COL5A2: variants seen among roughly 807,000 people sequenced by gnomAD.
COL5A2 encodes the protein collagen alpha-2(V) chain.
COL5A2 carries 23 observed loss-of-function variants against 208.2 expected under a neutral mutation model. That is an observed-to-expected ratio of 0.11 (90% CI 0.08 to 0.16). The LOEUF is 0.16. Ranked by LOEUF, COL5A2 falls within the 10% of genes least tolerant of loss-of-function variation. The pLI is 1.00. For missense variants in COL5A2, 1,590 were observed against 1,956.4 expected (o/e 0.81, Z 3.53); for synonymous variants, 625 against 628.5 (o/e 0.99, Z 0.08).
At chr2:189,237,746 T>C in the COL5A2 span, among the ~76,000 whole-genome samples, 1 of 151,876 alleles carries the variant, frequency 6.6e-6, no homozygotes, top group Non-Finnish European at 1.5e-5. Context: ...AAATATAAAT[T>C]TTTATTTGGC....
At chr2:189,063,392 T>C (rs1686078066) in intron 26 of COL5A2, 122 bp from the exon 27 acceptor site, 1 of 836,624 alleles carries the variant, frequency 1.2e-6, no homozygotes, top group Non-Finnish European at 2.0e-6. Flanking sequence ...TGCATTTTCA[T>C]GTTAAAGAAT....
At chr2:189,328,760 A>G in the COL5A2 span, among the ~76,000 whole-genome samples, 1 of 152,230 alleles carries the variant, frequency 6.6e-6, no homozygotes, top group Non-Finnish European at 1.5e-5. Flanking sequence ...ATCATGGAAG[A>G]CAGAAATACA....
At chr2:189,139,388 C>T (rs975734358) in intron 1 of COL5A2, among the ~76,000 whole-genome samples, 1 of 152,102 alleles carries the variant, frequency 6.6e-6, no homozygotes, top group Admixed American at 6.5e-5. Context: ...CCAGTCTAAT[C>T]ATGAAAACAA....
At chr2:189,078,684 T>C in intron 15 of COL5A2, 115 bp from the exon 16 acceptor site, 1 of 879,888 alleles carries the variant, frequency 1.1e-6, no homozygotes, top group Non-Finnish European at 2.0e-6. Flanking sequence ...CAAGCAGTAG[T>C]ATTTCCAGGG....
At chr2:189,220,470 C>CAAA (rs35588877) in intron 1 of COL5A2, among the ~76,000 whole-genome samples, 1 of 145,868 alleles carries the variant, frequency 6.9e-6, no homozygotes, top group African/African-American at 2.6e-5. Context: ...GGTGTATTAA[C>CAAA]AAAAAAAAAA....
the COL5A2 span, among the ~76,000 whole-genome samples, chr2:189,266,357 C>T: frequency 6.6e-6 from 1 of 150,998 alleles, no homozygotes; most frequent in Non-Finnish European, 1.5e-5. Context: ...ACCTGGGAGG[C>T]GGAGGTTACA....
chr2:189,377,752 GA>G, the COL5A2 span, among the ~76,000 whole-genome samples: 1 of 152,100 alleles, frequency 6.6e-6, no homozygotes, highest in African/African-American at 2.4e-5. Flanking sequence ...AGGAAGTTAT[GA>G]ATATAAAACT....
chr2:189,081,208 G>C (rs1330175022), intron 12 of COL5A2, among the ~76,000 whole-genome samples, 165 bp from the exon 13 acceptor site: 1 of 152,106 alleles, frequency 6.6e-6, no homozygotes, highest in Non-Finnish European at 1.5e-5. Context: ...ATATATCTGG[G>C]TGATCAAAAT....
Position 189,051,446 on chromosome 2 carries a change from G to A in COL5A2, c.2805C>T (p.Pro935=), listed in dbSNP as rs766231009. Residue 935 remains proline, a synonymous_variant, in exon 42 of 54, where the codon CCC becomes CCT. Coordinates refer to ENST00000374866, the MANE Select transcript of COL5A2 (RefSeq NM_000393.5). ...GAAGACCTGGAGGTCCCTCCTTCCC[G>A]GGTTCCCCTAGGGGTCCCGCAGGTC... The part of the protein sequence containing the change: ...APGPAGPLGE[P]GKEGPPGLRG... The A allele has an allele frequency of 9.3e-6, 15 of 1,611,964 alleles. No homozygotes were observed. The highest frequency in any genetic ancestry group is 8.0e-5 in the African/African-American group (6 of 74,814).
the COL5A2 span, among the ~76,000 whole-genome samples, chr2:189,437,882 T>C: frequency 2.6e-4 from 40 of 152,134 alleles, no homozygotes; most frequent in Non-Finnish European, 5.3e-4. Flanking sequence ...ATACTGTACA[T>C]GGTGTTTATA....
intron 7 of COL5A2, among the ~76,000 whole-genome samples, chr2:189,091,025 T>C (rs1311608005): frequency 6.6e-6 from 1 of 152,204 alleles, no homozygotes; most frequent in African/African-American, 2.4e-5. Context: ...TCAAAGTAAA[T>C]TGAGAATCTT....
chr2:189,227,029 T>C (rs530264158), upstream of COL5A2, among the ~76,000 whole-genome samples: 51 of 152,270 alleles, frequency 3.3e-4, no homozygotes, highest in African/African-American at 1.2e-3. Context: ...AACAGAAATC[T>C]ACACATGCAA....
intron 1 of COL5A2, among the ~76,000 whole-genome samples, chr2:189,114,246 C>A (rs1448501392): frequency 2.0e-5 from 3 of 152,136 alleles, no homozygotes; most frequent in Admixed American, 6.6e-5. Flanking sequence ...CTCAAAAACT[C>A]AGTGAACTCT....
In COL5A2 at chr2:189,098,728, G is replaced by A. The variant is rs1217468353; in HGVS notation, c.401C>T (p.Ala134Val). 1.2e-6 allele frequency: 2 copies of A among 1,612,176 alleles called. No individual in the cohort carries two copies. Among genetic ancestry groups the A allele is most frequent in the Admixed American group, 3.3e-5 (2 of 60,014 alleles). ...AGAATATTGGGAGAAACTACTTACT[G>A]CCGGTCCTGGACGACCACGTATGCC... ...VTGIRGRPGP[A>V]GPPGSQGPRG... The change falls in exon 5 of 54, where the codon GCA becomes GTA. Residue 134 changes from alanine to valine, a missense_variant and splice_region_variant. Physicochemically the swap from Ala to Val is moderately conservative, Grantham distance 64. Coordinates refer to ENST00000374866, the MANE Select transcript of COL5A2 (RefSeq NM_000393.5).
intron 1 of COL5A2, among the ~76,000 whole-genome samples, chr2:189,178,162 T>A: frequency 6.6e-6 from 1 of 152,260 alleles, no homozygotes; most frequent in Non-Finnish European, 1.5e-5. Context: ...ATAAATTACC[T>A]CATATTTTAA....
the COL5A2 span, among the ~76,000 whole-genome samples, chr2:189,413,745 T>G: frequency 6.8e-6 from 1 of 148,138 alleles, no homozygotes; most frequent in African/African-American, 2.5e-5. Context: ...AAATGATTGA[T>G]GAAAGATTCA....
chr2:189,232,739 A>C, the COL5A2 span, among the ~76,000 whole-genome samples: 103 of 151,792 alleles, frequency 6.8e-4, 2 homozygotes, highest in Middle Eastern at 3.4e-3. Flanking sequence ...CCCCCTACAA[A>C]AGAGAAGCCA....
chr2:189,178,411 T>C (rs2105829449), intron 1 of COL5A2, among the ~76,000 whole-genome samples: 1 of 152,076 alleles, frequency 6.6e-6, no homozygotes, highest in Non-Finnish European at 1.5e-5. Flanking sequence ...CCTGTATGTA[T>C]GTGTCTATAT....
At chr2:189,119,108 T>C (rs1437283526) in intron 1 of COL5A2, among the ~76,000 whole-genome samples, 16 of 152,052 alleles carry the variant, frequency 1.1e-4, no homozygotes. Flanking sequence ...CCAAATGCCA[T>C]AGTCATACTT....
Sources: gnomAD v4.1 joint callset for allele counts (sites outside exome capture counted in the v4.1 genomes callset) on GRCh38, gnomAD v4.1.1 for gene constraint, MANE v1.5 for transcripts, NCBI Gene and HGNC (gene_info 2026-07-23, HGNC 2026-07-21) for gene names.